The following TMEM163 variants were observed in gnomAD, a reference collection of about 807,000 sequenced individuals.
The protein encoded by TMEM163 is transmembrane protein 163.
TMEM163 carries 17 observed loss-of-function variants against 29.3 expected under a neutral mutation model. The observed-to-expected ratio is 0.58, with a 90% CI of 0.40 to 0.87. The LOEUF is 0.87. TMEM163 is among the 40% of genes least tolerant of loss of function. The probability of loss-of-function intolerance (pLI) is 0.00; values close to 1 mark genes in which losing one functional copy is unlikely to be tolerated. For missense variants in TMEM163, 303 were observed against 381.5 expected (o/e 0.79, Z 1.71); for synonymous variants, 157 against 160.6 (o/e 0.98, Z 0.17).
intron 4 of TMEM163, among the ~76,000 whole-genome samples, chr2:134,523,094 G>A (rs1360907483): frequency 6.6e-6 from 1 of 152,150 alleles, no homozygotes; most frequent in Non-Finnish European, 1.5e-5. Flanking sequence ...GAGAATTACG[G>A]TCTTACAGAT....
At chr2:134,536,085 C>T (rs536471637) in intron 4 of TMEM163, among the ~76,000 whole-genome samples, 1 of 152,266 alleles carries the variant, frequency 6.6e-6, no homozygotes, top group East Asian at 1.9e-4. Context: ...CGCGTATATA[C>T]GTGCACTTTT....
chr2:134,599,344 C>T (rs1053537480), intron 2 of TMEM163, among the ~76,000 whole-genome samples: 2 of 152,128 alleles, frequency 1.3e-5, no homozygotes, highest in African/African-American at 4.8e-5. Context: ...ATGTGGAAAT[C>T]CTGACCCCCA....
In TMEM163 at chr2:134,650,576, ATGTGCACAT is replaced by A; in HGVS notation, c.322+62615_322+62623del. 1.4e-5 allele frequency among the ~76,000 whole-genome samples: 2 copies of A among 143,012 alleles called. 1 individual carries two copies. Among genetic ancestry groups the A allele is most frequent in the African/African-American group, 5.7e-5 (2 of 35,158 alleles). The allele number at this position is 143,012 out of a possible 152,430, so 93.8% of individuals were successfully genotyped here. On this transcript the variant is annotated intron_variant, in intron 2 of 7. Transcript: ENST00000281924. ...TATTATACTTTAAGTTTTAGGGTACATGTGCACATTGTGCAGGTTAGTTACATATGTATG... is the reference window on the plus strand; with the variant it reads ...TATTATACTTTAAGTTTTAGGGTACATGTGCAGGTTAGTTACATATGTATG...
At chr2:134,570,057 G>A (rs529437932) in intron 2 of TMEM163, among the ~76,000 whole-genome samples, 14 of 152,178 alleles carry the variant, frequency 9.2e-5, no homozygotes, top group Admixed American at 3.3e-4. Flanking sequence ...ACTTCATAGT[G>A]GCCCCAAAGG....
At chr2:134,627,412 T>G (rs1184875715) in intron 2 of TMEM163, among the ~76,000 whole-genome samples, 1 of 152,220 alleles carries the variant, frequency 6.6e-6, no homozygotes, top group East Asian at 1.9e-4. Flanking sequence ...TCTTGCCTTA[T>G]GTTGACTTCC....
At chr2:134,708,582 A>T (rs1474432838) in intron 2 of TMEM163, among the ~76,000 whole-genome samples, 2 of 150,672 alleles carry the variant, frequency 1.3e-5, no homozygotes, top group East Asian at 1.9e-4. Flanking sequence ...TTATTTATTT[A>T]TTTATTTTTA....
intron 2 of TMEM163, among the ~76,000 whole-genome samples, chr2:134,697,772 T>A (rs554566200): frequency 6.6e-6 from 1 of 152,276 alleles, no homozygotes; most frequent in South Asian, 2.1e-4. Context: ...ACACATGTGG[T>A]GAGCATGTTC....
At chr2:134,538,152 G>A (rs1014824981) in intron 4 of TMEM163, among the ~76,000 whole-genome samples, 3 of 152,206 alleles carry the variant, frequency 2.0e-5, no homozygotes, top group African/African-American at 7.2e-5. Flanking sequence ...CAGGGCTATG[G>A]TGTTAGGAGC....
At chr2:134,544,227 G>C (rs1175401210) in intron 4 of TMEM163, among the ~76,000 whole-genome samples, 2 of 152,190 alleles carry the variant, frequency 1.3e-5, no homozygotes, top group Non-Finnish European at 2.9e-5. Context: ...ACACAGGGCA[G>C]AGAATGGCAG....
chr2:134,533,027 G>A (rs776765660), intron 4 of TMEM163, among the ~76,000 whole-genome samples: 3 of 152,172 alleles, frequency 2.0e-5, no homozygotes, highest in Non-Finnish European at 2.9e-5. Flanking sequence ...ACTCAGTTTA[G>A]TTGTTTCTTA....
intron 2 of TMEM163, among the ~76,000 whole-genome samples, chr2:134,622,556 G>C (rs935093463): frequency 1.2e-4 from 18 of 152,314 alleles, no homozygotes; most frequent in Middle Eastern, 3.4e-3. Flanking sequence ...CACTGGGCAA[G>C]TGATACTGGC....
At chr2:134,618,411 A>G (rs1287788556) in intron 2 of TMEM163, among the ~76,000 whole-genome samples, 1 of 152,242 alleles carries the variant, frequency 6.6e-6, no homozygotes, top group Non-Finnish European at 1.5e-5. Context: ...ACATGTAGTC[A>G]AAACTAACAG....
chr2:134,457,989 T>G (rs886581837), intron 7 of TMEM163, 43 bp downstream of exon 7: 1 of 1,613,276 alleles, frequency 6.2e-7, no homozygotes, highest in African/African-American at 1.3e-5. Context: ...AAAGGGACAC[T>G]CCTAGCTGCC....
chr2:134,611,949 G>A (rs1438935662), intron 2 of TMEM163, among the ~76,000 whole-genome samples: 4 of 152,194 alleles, frequency 2.6e-5, no homozygotes, highest in Non-Finnish European at 5.9e-5. Flanking sequence ...TGAAAACACT[G>A]GCATCCATTC....
chr2:134,599,748 G>C (rs1046286984), intron 2 of TMEM163, among the ~76,000 whole-genome samples: 1 of 147,988 alleles, frequency 6.8e-6, no homozygotes, highest in Non-Finnish European at 1.5e-5. Flanking sequence ...GCCCGGGCTG[G>C]TCTTGAACTC....
intron 2 of TMEM163, among the ~76,000 whole-genome samples, chr2:134,606,595 G>C (rs1455834710): frequency 6.6e-6 from 1 of 152,182 alleles, no homozygotes; most frequent in Non-Finnish European, 1.5e-5. Context: ...GGGAAGAGGA[G>C]CTGCGCGAAG....
intron 2 of TMEM163, among the ~76,000 whole-genome samples, chr2:134,678,673 T>C (rs1684169759): frequency 2.6e-5 from 4 of 152,304 alleles, no homozygotes; most frequent in Admixed American, 2.6e-4. Flanking sequence ...TGGGGAGTCC[T>C]TTCCCATTCC....
At chr2:134,647,285 T>C (rs1683355018) in intron 2 of TMEM163, among the ~76,000 whole-genome samples, 1 of 152,178 alleles carries the variant, frequency 6.6e-6, no homozygotes, top group South Asian at 2.1e-4. Flanking sequence ...AGGGAACATT[T>C]ATGGCAAAAA....
intron 5 of TMEM163, chr2:134,468,610 C>T (rs992640966): frequency 2.0e-5 from 3 of 152,256 alleles, no homozygotes; most frequent in African/African-American, 4.8e-5. Context: ...ACTGAATACT[C>T]ACTTTGCTTA....
Sources: gnomAD v4.1 joint callset for allele counts (sites outside exome capture counted in the v4.1 genomes callset) on GRCh38, gnomAD v4.1.1 for gene constraint, MANE v1.5 for transcripts, NCBI Gene and HGNC (gene_info 2026-07-23, HGNC 2026-07-21) for gene names.